Variants in LMF1 observed in about 807,000 individuals in gnomAD.
The protein encoded by LMF1 is transmembrane protein 112.
LMF1 carries 68 observed loss-of-function variants against 60.6 expected under a neutral mutation model. The observed-to-expected ratio is 1.12, with a 90% CI of 0.92 to 1.37. The LOEUF is 1.37. Among genes scored for constraint, LMF1 ranks in the 40% most tolerant of loss-of-function variants. LMF1 has a pLI of 0.00. For missense variants in LMF1, 948 were observed against 767.2 expected, an observed-to-expected ratio of 1.24 and a Z score of -2.78; for synonymous variants, 418 against 324.7, an observed-to-expected ratio of 1.29 and a Z score of -3.09.
intron 3 of LMF1, chr16:933,931 C>T: frequency 7.3e-7 from 1 of 1,365,220 alleles, no homozygotes; most frequent in Non-Finnish European, 9.6e-7. Flanking sequence ...CTTGAGCGTC[C>T]ACGGGGGATG....
intron 2 of LMF1, among the ~76,000 whole-genome samples, chr16:937,753 T>C (rs1460957135): frequency 6.6e-6 from 1 of 152,268 alleles, no homozygotes; most frequent in East Asian, 1.9e-4. Flanking sequence ...TGTTAAATTT[T>C]ATGCTCCCCA....
At chr16:881,166 G>T (rs1567175421) in intron 5 of LMF1, among the ~76,000 whole-genome samples, 1 of 152,246 alleles carries the variant, frequency 6.6e-6, no homozygotes, top group East Asian at 1.9e-4. Context: ...GTGGGGGTGT[G>T]GGAAGCGCAG....
intron 10 of LMF1, among the ~76,000 whole-genome samples, chr16:862,245 T>C (rs2069487381): frequency 6.6e-6 from 1 of 151,764 alleles, no homozygotes; most frequent in South Asian, 2.1e-4. Flanking sequence ...GCACCATCTC[T>C]GCTTACTGCA....
intron 2 of LMF1, 150 bp from the exon 3 acceptor site, chr16:934,404 AG>A: frequency 1.1e-6 from 1 of 910,646 alleles, no homozygotes. Context: ...GCTGGGCATT[AG>A]GGGAACAGGA....
intron 4 of LMF1, among the ~76,000 whole-genome samples, chr16:909,169 A>G (rs2151752435): frequency 6.6e-6 from 1 of 152,148 alleles, no homozygotes; most frequent in African/African-American, 2.4e-5. Flanking sequence ...TGGCCAGTTC[A>G]CTCCATGCAT....
intron 1 of LMF1, chr16:976,227 C>T (rs2151505272): frequency 6.7e-6 from 3 of 445,306 alleles, no homozygotes; most frequent in South Asian, 4.7e-5. Context: ...GGCCTCGCAT[C>T]CTACAAGGGC....
intron 5 of LMF1, among the ~76,000 whole-genome samples, chr16:891,305 C>G (rs1051563512): frequency 6.6e-6 from 1 of 152,216 alleles, no homozygotes; most frequent in Admixed American, 6.5e-5. Flanking sequence ...ACTCCTGGGC[C>G]CAGAGCAGCC....
chr16:944,257 C>A (rs1020245742), intron 2 of LMF1, among the ~76,000 whole-genome samples: 1 of 150,020 alleles, frequency 6.7e-6, no homozygotes, highest in Non-Finnish European at 1.5e-5. Flanking sequence ...CACTTTCCAC[C>A]AACCCTCAAA....
intron 4 of LMF1, among the ~76,000 whole-genome samples, chr16:909,067 C>A (rs1183689149): frequency 1.1e-4 from 16 of 152,164 alleles, no homozygotes; most frequent in Admixed American, 1.0e-3. Flanking sequence ...CCAACCCCGG[C>A]AAGTGCTCAT....
intron 2 of LMF1, among the ~76,000 whole-genome samples, chr16:935,954 G>T (rs2071930119): frequency 6.6e-6 from 1 of 152,272 alleles, no homozygotes; most frequent in Non-Finnish European, 1.5e-5. Flanking sequence ...ACCGCATCAG[G>T]TGTGTGGCTG....
chr16:870,757 T>C lies in LMF1; in HGVS notation c.1204A>G (p.Ile402Val), dbSNP rs755943591. 7 of 1,612,958 alleles carry C rather than the reference T, an allele frequency of 4.3e-6. No homozygotes were observed. The highest frequency in any genetic ancestry group is 2.2e-5 in the South Asian group (2 of 91,086). The change falls in exon 8 of 11, where the codon ATC (isoleucine) becomes GTC (valine). Residue 402 changes from isoleucine to valine, a missense_variant. Physicochemically the swap from Ile to Val is conservative, Grantham distance 29. Coordinates refer to ENST00000262301, the MANE Select transcript of LMF1 (RefSeq NM_022773.4). ...VMNTHFNSLHIVNTYGAFGSI... is the reference protein window; with the variant it reads ...VMNTHFNSLHVVNTYGAFGSI... ...CCGAAGGCCCCGTAAGTGTTGACGA[T>C]GTGAAGAGAGTTGAAGTGGGTGTTC...
upstream of LMF1, among the ~76,000 whole-genome samples, chr16:972,930 C>A (rs1023310628): frequency 6.6e-6 from 1 of 152,302 alleles, no homozygotes; most frequent in African/African-American, 2.4e-5. Context: ...CCATCCACTG[C>A]CCAGAATGGC....
intron 5 of LMF1, among the ~76,000 whole-genome samples, chr16:890,624 C>G (rs1347329294): frequency 1.3e-5 from 2 of 152,226 alleles, no homozygotes; most frequent in Non-Finnish European, 2.9e-5. Context: ...GCCTCAGCCA[C>G]AATCCAACCT....
At chr16:904,621 C>G (rs1413442486) in intron 4 of LMF1, among the ~76,000 whole-genome samples, 8 of 52,124 alleles carry the variant, frequency 1.5e-4, no homozygotes, top group Non-Finnish European at 2.3e-4. Flanking sequence ...GTGGTGACCT[C>G]TGCACTGCCT....
At chr16:883,155 G>C (rs1244522097) in intron 5 of LMF1, among the ~76,000 whole-genome samples, 5 of 150,922 alleles carry the variant, frequency 3.3e-5, no homozygotes, top group Non-Finnish European at 7.4e-5. Context: ...GAGCTGCTCA[G>C]CAGAGCCCAT....
chr16:869,144 C>G (rs1430379805), intron 9 of LMF1, 88 bp from the exon 10 acceptor site: 10 of 877,954 alleles, frequency 1.1e-5, no homozygotes, highest in Non-Finnish European at 1.9e-5. Flanking sequence ...CCTCCACTCC[C>G]TCCTGAGGCT....
chr16:860,657 T>G (rs1373776948), intron 10 of LMF1, among the ~76,000 whole-genome samples: 2 of 152,200 alleles, frequency 1.3e-5, no homozygotes, highest in Non-Finnish European at 2.9e-5. Flanking sequence ...GTTGATTGTC[T>G]TATGCTTTAC....
intron 2 of LMF1, among the ~76,000 whole-genome samples, chr16:945,207 ATC>A: frequency 7.2e-6 from 1 of 138,926 alleles, no homozygotes; most frequent in Non-Finnish European, 1.6e-5. Context: ...GCGAGACTCC[ATC>A]TCAAAAAAAA....
intron 3 of LMF1, among the ~76,000 whole-genome samples, chr16:924,705 A>T (rs2071545261): frequency 1.3e-5 from 2 of 152,242 alleles, no homozygotes. Flanking sequence ...AGAGACAGAA[A>T]ATAGCTGAAC....
Sources: gnomAD v4.1 joint callset for allele counts (sites outside exome capture counted in the v4.1 genomes callset) on GRCh38, gnomAD v4.1.1 for gene constraint, MANE v1.5 for transcripts, NCBI Gene and HGNC (gene_info 2026-07-23, HGNC 2026-07-21) for gene names.